Variants in STAU1 observed in about 807,000 individuals in gnomAD.
STAU1 encodes the protein staufen double-stranded RNA binding protein 1.
A neutral mutation model predicts 62.9 loss-of-function variants in STAU1; 13 were observed. That is an observed-to-expected ratio of 0.21 (90% CI 0.13 to 0.33). The LOEUF (loss-of-function observed/expected upper bound fraction) is 0.33. Among genes scored for constraint, STAU1 ranks in the 10% least tolerant of loss-of-function variants. STAU1 has a pLI of 1.00. For synonymous variants in STAU1, 269 were observed against 265.1 expected (o/e 1.01, Z -0.14); for missense variants, 571 against 712.1 (o/e 0.80, Z 2.25).
chr20:49,134,829 A>G (rs2092838496), intron 6 of STAU1: 2 of 1,494,672 alleles, frequency 1.3e-6, no homozygotes. Flanking sequence ...CACGCAATTT[A>G]TACCAAACCT....
At chr20:49,180,072 G>A (rs1173327198) in intron 1 of STAU1, among the ~76,000 whole-genome samples, 1 of 152,094 alleles carries the variant, frequency 6.6e-6, no homozygotes, top group African/African-American at 2.4e-5. Flanking sequence ...TCAGATCACC[G>A]TTTCAAACAA....
the STAU1 span, among the ~76,000 whole-genome samples, chr20:49,202,693 G>C: frequency 2.6e-5 from 4 of 151,712 alleles, no homozygotes; most frequent in Non-Finnish European, 1.5e-5. Flanking sequence ...TTCAAGACCA[G>C]CTTCAACAAC....
intron 7 of STAU1, among the ~76,000 whole-genome samples, 155 bp from the exon 8 acceptor site, chr20:49,123,390 G>T (rs1188344908): frequency 6.6e-6 from 1 of 152,124 alleles, no homozygotes; most frequent in Non-Finnish European, 1.5e-5. Context: ...ACAATGAAAA[G>T]ATGCTTTATT....
intron 5 of STAU1, among the ~76,000 whole-genome samples, chr20:49,138,029 G>A (rs553534258): frequency 6.6e-6 from 1 of 152,162 alleles, no homozygotes; most frequent in South Asian, 2.1e-4. Context: ...TAGCGCCTGT[G>A]ATCCCAAAAC....
chr20:49,209,061 G>A, the STAU1 span, among the ~76,000 whole-genome samples: 1 of 151,600 alleles, frequency 6.6e-6, no homozygotes, highest in East Asian at 1.9e-4. Flanking sequence ...TCAGCCTCCC[G>A]AGAAGCTGGG....
At chr20:49,203,962 C>G in the STAU1 span, among the ~76,000 whole-genome samples, 1 of 152,202 alleles carries the variant, frequency 6.6e-6, no homozygotes, top group African/African-American at 2.4e-5. Context: ...GGATAACAGG[C>G]AAGGGCCACC....
At chr20:49,150,156 G>A (rs2093217726) in intron 5 of STAU1, among the ~76,000 whole-genome samples, 2 of 152,162 alleles carry the variant, frequency 1.3e-5, no homozygotes. Flanking sequence ...CAATGGCATG[G>A]AGTTACTGAT....
intron 6 of STAU1, among the ~76,000 whole-genome samples, chr20:49,128,307 CAAGT>C (rs2092677077): frequency 6.6e-6 from 1 of 152,130 alleles, no homozygotes. Context: ...GCCCGGGTAC[CAAGT>C]GAGTTCTTTT....
At chr20:49,159,544 C>G (rs2093418302) in intron 3 of STAU1, among the ~76,000 whole-genome samples, 1 of 151,984 alleles carries the variant, frequency 6.6e-6, no homozygotes, top group Non-Finnish European at 1.5e-5. Context: ...AGAAAAATGA[C>G]TGACTTCTAT....
chr20:49,195,803 T>C, the STAU1 span, among the ~76,000 whole-genome samples: 1 of 142,476 alleles, frequency 7.0e-6, no homozygotes, highest in Admixed American at 7.5e-5. Flanking sequence ...CTTGGGAGGC[T>C]GAGGCAGGAG....
intron 3 of STAU1, among the ~76,000 whole-genome samples, chr20:49,154,876 G>A (rs1219505098): frequency 6.6e-6 from 1 of 151,576 alleles, no homozygotes; most frequent in Non-Finnish European, 1.5e-5. Flanking sequence ...CCTGAGGTCA[G>A]GAGTTCGAGA....
intron 1 of STAU1, among the ~76,000 whole-genome samples, chr20:49,176,974 T>C (rs1219654312): frequency 1.3e-5 from 2 of 150,948 alleles, no homozygotes; most frequent in Admixed American, 1.3e-4. Flanking sequence ...TGCAATGGCG[T>C]GATCTCCGCT....
rs2093818228 is a variant in STAU1, at chr20:49,188,304, GACGCGGCAGCCGCCGGCGCAA to G, written c.-369_-349del. ...GTCAAAGGAAGCGGGAGCCGAGAGA[GACGCGGCAGCCGCCGGCGCAA>G]ACGCTGAAGAGCCGCTCAGGCGCCC... On this transcript the variant is annotated 5_prime_UTR_variant, in exon 1 of 14. Transcript: ENST00000371856. 6.6e-6 allele frequency: 1 copy of G among 152,014 alleles called. No individual in the cohort carries two copies. The highest frequency in any genetic ancestry group is 2.4e-5 in the African/African-American group (1 of 41,380). The allele number at this position is 152,014 out of a possible 1,614,324, so 9.4% of individuals were successfully genotyped here.
chr20:49,131,695 T>C (rs986465707), intron 6 of STAU1, among the ~76,000 whole-genome samples: 37 of 151,942 alleles, frequency 2.4e-4, no homozygotes, highest in African/African-American at 8.7e-4. Context: ...ATACAAAAAT[T>C]AGCCGAGTGT....
chr20:49,167,311 A>G (rs2093539421), intron 2 of STAU1, among the ~76,000 whole-genome samples: 1 of 152,232 alleles, frequency 6.6e-6, no homozygotes, highest in South Asian at 2.1e-4. Context: ...ACTAATTAGA[A>G]GTTCTATTAT....
intron 6 of STAU1, among the ~76,000 whole-genome samples, chr20:49,132,491 G>T (rs1400110486): frequency 6.6e-6 from 1 of 152,202 alleles, no homozygotes; most frequent in Non-Finnish European, 1.5e-5. Context: ...GGGCACGGTG[G>T]CTCATGCCTA....
chr20:49,140,042 TGA>T (rs771080446), intron 5 of STAU1, among the ~76,000 whole-genome samples: 1 of 151,276 alleles, frequency 6.6e-6, no homozygotes, highest in Non-Finnish European at 1.5e-5. Flanking sequence ...AAAAATTAGC[TGA>T]GCGTGGTGAC....
chr20:49,151,791 T>C, intron 4 of STAU1, 44 bp from the exon 5 acceptor site: 2 of 1,568,362 alleles, frequency 1.3e-6, no homozygotes, highest in East Asian at 4.6e-5. Flanking sequence ...CTCAAGTTGA[T>C]AAGTCACCTA....
chr20:49,118,547 CCACTGGCACCCT>C (rs2145830735), intron 9 of STAU1, 139 bp from the exon 10 acceptor site: 1 of 657,580 alleles, frequency 1.5e-6, no homozygotes, highest in Admixed American at 2.8e-5. Context: ...CCCCACCTGA[CCACTGGCACCCT>C]GACAGACACC....
Sources: allele counts gnomAD v4.1 joint callset (sites outside exome capture counted in the v4.1 genomes callset), GRCh38; gene constraint gnomAD v4.1.1; transcripts MANE v1.5; gene names NCBI Gene and HGNC (gene_info 2026-07-23, HGNC 2026-07-21).